Variants in PCDH19 observed in about 807,000 individuals in gnomAD.
PCDH19 encodes the protein protocadherin-19.
In PCDH19, 6 loss-of-function variants were observed where a neutral mutation model predicts 46.2. The observed-to-expected ratio is 0.13, with a 90% CI of 0.07 to 0.26. PCDH19 has a LOEUF of 0.26. Among genes scored for constraint, PCDH19 ranks in the 10% least tolerant of loss-of-function variants. PCDH19 has a pLI of 1.00. For synonymous variants in PCDH19, 481 were observed against 415.7 expected (o/e 1.16, Z -1.91); for missense variants, 740 against 972.3 (o/e 0.76, Z 3.18).
chrX:100,393,604 C>A (rs1307330461), intron 3 of PCDH19, among the ~76,000 whole-genome samples: 2 of 109,939 alleles, frequency 1.8e-5, no homozygotes, highest in Non-Finnish European at 3.8e-5. Context: ...ACAGGGAATC[C>A]ATTTTGCTCA....
rs1928541708 is a variant in PCDH19, at chrX:100,409,797, C to T, written c.-1200G>A. On this transcript the variant is annotated 5_prime_UTR_variant, in exon 1 of 6. Coordinates refer to ENST00000373034, the MANE Select transcript of PCDH19 (RefSeq NM_001184880.2). ...CGCTGGGGTCCGCCTCAGCAGCTGC[C>T]ACAGTCGACGATTTTGTCGCCGCCG... The T allele has an allele frequency of 4.4e-6, 1 of 225,500 alleles. No homozygotes were observed. Among genetic ancestry groups the T allele is most frequent in the East Asian group, 9.8e-5 (1 of 10,193 alleles). The allele number at this position is 225,500 out of a possible 1,213,427, so 18.6% of individuals were successfully genotyped here. A position where few individuals can be genotyped will look rare whatever the true frequency, so the allele number is the denominator to read the frequency against.
At chrX:100,330,628 T>C (rs1403132917) in intron 5 of PCDH19, among the ~76,000 whole-genome samples, 1 of 111,924 alleles carries the variant, frequency 8.9e-6, no homozygotes, top group African/African-American at 3.2e-5. Context: ...TTACTTAGAG[T>C]CTAGGGACTA....
chrX:100,404,968 A>T (rs1449756626), intron 1 of PCDH19, among the ~76,000 whole-genome samples: 5 of 112,442 alleles, frequency 4.4e-5, no homozygotes, highest in Non-Finnish European at 9.4e-5. Flanking sequence ...TGAAGGAAAG[A>T]AAAGTCATGG....
chrX:100,401,513 G>A (rs752482478), intron 3 of PCDH19, among the ~76,000 whole-genome samples: 8 of 110,926 alleles, frequency 7.2e-5, no homozygotes, highest in East Asian at 2.8e-4. Flanking sequence ...TTAGCTGGGC[G>A]TGGTGGTGCA....
intron 5 of PCDH19, among the ~76,000 whole-genome samples, chrX:100,331,315 T>C (rs1172608957): frequency 8.9e-6 from 1 of 112,048 alleles, no homozygotes; most frequent in Non-Finnish European, 1.9e-5. Context: ...TCTCTCTACC[T>C]GGCAGAATGA....
intron 3 of PCDH19, among the ~76,000 whole-genome samples, chrX:100,360,417 T>C (rs1276335024): frequency 1.8e-5 from 2 of 112,434 alleles, no homozygotes; most frequent in Non-Finnish European, 3.7e-5. Context: ...GATCATTTTC[T>C]TGTTTGTGAT....
At position 100,409,718 on chromosome X, in the gene PCDH19, G is replaced by A; in HGVS notation, c.-1121C>T. 4.2e-6 allele frequency: 1 copy of A among 238,196 alleles called. No individual in the cohort carries two copies. The highest frequency in any genetic ancestry group is 7.2e-6 in the Non-Finnish European group (1 of 138,125). The allele number at this position is 238,196 out of a possible 1,213,427, so 19.6% of individuals were successfully genotyped here. On this transcript the variant is annotated 5_prime_UTR_variant, in exon 1 of 6. Coordinates refer to ENST00000373034, the MANE Select transcript of PCDH19 (RefSeq NM_001184880.2). The stretch of plus-strand genomic sequence containing the variant: ...GGGTGTCGCTCCAAGGTCCGCCGCC[G>A]CCGCCGCCGCCGCCGCCGCCGCGGG...
rs59564734 is a variant in PCDH19 at position 100,409,709 on chromosome X, T to TCCGCCG, written c.-1118_-1113dup. ...TTTGGGCTGGGGTGTCGCTCCAAGGTCCGCCGCCGCCGCCGCCGCCGCCGC... is the reference window on the plus strand; with the variant it reads ...TTTGGGCTGGGGTGTCGCTCCAAGGTCCGCCGCCGCCGCCGCCGCCGCCGCCGCCGC... On this transcript the variant is annotated 5_prime_UTR_variant, in exon 1 of 6. Coordinates refer to ENST00000373034, the MANE Select transcript of PCDH19 (RefSeq NM_001184880.2). The TCCGCCG allele has an allele frequency of 3.1e-3, 738 of 241,650 alleles. 3 individuals carry two copies. Among genetic ancestry groups the TCCGCCG allele is most frequent in the Middle Eastern group, 8.2e-3 (6 of 735 alleles). The allele number at this position is 241,650 out of a possible 1,213,427, so 19.9% of individuals were successfully genotyped here.
At chrX:100,385,723 C>A (rs1248969236) in intron 3 of PCDH19, among the ~76,000 whole-genome samples, 2 of 110,921 alleles carry the variant, frequency 1.8e-5, no homozygotes, top group Non-Finnish European at 3.8e-5. Flanking sequence ...GGCGAAACCC[C>A]GTCTCACTAA....
chrX:100,389,885 CTCT>C (rs1439240240), intron 3 of PCDH19, among the ~76,000 whole-genome samples: 1 of 111,206 alleles, frequency 9.0e-6, no homozygotes, highest in Non-Finnish European at 1.9e-5. Flanking sequence ...TCTTGAAGTC[CTCT>C]TCAGCTTCAA....
intron 5 of PCDH19, among the ~76,000 whole-genome samples, chrX:100,297,310 G>T (rs1924649645): frequency 9.0e-6 from 1 of 110,752 alleles, no homozygotes; most frequent in African/African-American, 3.3e-5. Context: ...CCATATTTTT[G>T]AACAACAGCA....
At chrX:100,383,133 G>A (rs1927604822) in intron 3 of PCDH19, among the ~76,000 whole-genome samples, 1 of 112,269 alleles carries the variant, frequency 8.9e-6, no homozygotes, top group African/African-American at 3.2e-5. Flanking sequence ...GTCAAAAAGA[G>A]ATCATAATAG....
At chrX:100,319,512 A>G (rs192610389) in intron 5 of PCDH19, among the ~76,000 whole-genome samples, 1 of 112,177 alleles carries the variant, frequency 8.9e-6, no homozygotes, top group East Asian at 2.8e-4. Context: ...TTTCTCCAGC[A>G]AAACCACATC....
At chrX:100,367,241 A>G (rs1221566801) in intron 3 of PCDH19, among the ~76,000 whole-genome samples, 1 of 112,051 alleles carries the variant, frequency 8.9e-6, no homozygotes, top group East Asian at 2.8e-4. Context: ...GTCAGGCCCC[A>G]TGGGAGACGC....
chrX:100,389,369 C>T (rs1462273015), intron 3 of PCDH19, among the ~76,000 whole-genome samples: 7 of 97,192 alleles, frequency 7.2e-5, no homozygotes, highest in South Asian at 4.3e-4. Context: ...GAGAACAGAA[C>T]GGTGGTTGCC....
At chrX:100,394,883 ATTTTTTT>A (rs139332001) in intron 3 of PCDH19, among the ~76,000 whole-genome samples, 1 of 71,584 alleles carries the variant, frequency 1.4e-5, no homozygotes, top group African/African-American at 5.2e-5. Context: ...GAGGAATCTA[ATTTTTTT>A]TTTTTTTTTT....
chrX:100,325,142 TAGATAGATAGATAGATAGATAGATAGAC>T lies in PCDH19; in HGVS notation c.2848+16733_2848+16760del, dbSNP rs1925647881. The stretch of plus-strand genomic sequence containing the variant: ...AAAAAATACTAGATAGATAGATAGA[TAGATAGATAGATAGATAGATAGATAGAC>T]AGATAGACACTTTGATTATTGGTCT... On this transcript the variant is annotated intron_variant, in intron 5 of 5. Transcript: ENST00000373034. Among the ~76,000 whole-genome samples the T allele has an allele frequency of 5.6e-5, 5 of 89,804 alleles. No individual in the cohort carries two copies. The South Asian group carries it at 2.3e-3, about 41-fold the overall frequency. The allele number at this position is 89,804 out of a possible 115,157, so 78.0% of individuals were successfully genotyped here.
chrX:100,407,398 C>T lies in PCDH19; in HGVS notation c.1200G>A (p.Glu400=), dbSNP rs759132569. 12 of 1,210,995 alleles carry T rather than the reference C, an allele frequency of 9.9e-6. No homozygotes were observed. In the Admixed American group the frequency reaches 1.5e-4, roughly 15 times the overall value. ...GNVPFRLQEY[E]SFSTILVDGR... is the part of the protein sequence containing the mutation. ...CGTCCACCAGAATAGTGGAGAAGCT[C>T]TCATATTCCTGCAGTCGAAAGGGCA... The change falls in exon 1 of 6, where the codon GAG becomes GAA. Residue 400 remains glutamate, a synonymous_variant. Coordinates refer to ENST00000373034, the MANE Select transcript of PCDH19 (RefSeq NM_001184880.2).
intron 5 of PCDH19, among the ~76,000 whole-genome samples, chrX:100,315,307 C>T (rs1162286766): frequency 8.9e-6 from 1 of 112,263 alleles, no homozygotes; most frequent in African/African-American, 3.2e-5. Context: ...TTAACATGTA[C>T]TATAAAAGAA....
Sources: allele counts gnomAD v4.1 joint callset (sites outside exome capture counted in the v4.1 genomes callset), GRCh38; gene constraint gnomAD v4.1.1; transcripts MANE v1.5; gene names NCBI Gene and HGNC (gene_info 2026-07-23, HGNC 2026-07-21).